Variants in ACACB observed in about 807,000 individuals in gnomAD.
ACACB encodes acetyl-CoA carboxylase beta, also known as acetyl-CoA carboxylase 2.
A neutral mutation model predicts 278.8 loss-of-function variants in ACACB; 209 were observed. The observed-to-expected ratio is 0.75, with a 90% confidence interval of 0.67 to 0.84. The LOEUF (loss-of-function observed/expected upper bound fraction) is 0.84, where lower values mean the gene tolerates loss of function less well. Ranked by LOEUF, ACACB falls within the 40% of genes least tolerant of loss-of-function variation. The pLI is 0.00. For synonymous variants in ACACB, 1,174 were observed against 1,285.6 expected (o/e 0.91, Z 1.86); for missense variants, 2,850 against 3,269.0 (o/e 0.87, Z 3.13).
chr12:109,170,221 C>T (rs892201367), intron 4 of ACACB, among the ~76,000 whole-genome samples: 4 of 151,950 alleles, frequency 2.6e-5, no homozygotes, highest in South Asian at 2.1e-4. Context: ...TGTACCACCA[C>T]GACTGGCTAA....
At chr12:109,165,503 A>T (rs1452251653) in intron 2 of ACACB, among the ~76,000 whole-genome samples, 2 of 152,124 alleles carry the variant, frequency 1.3e-5, no homozygotes, top group African/African-American at 4.8e-5. Flanking sequence ...CAATTATCTT[A>T]TGTGTACTGG....
chr12:109,158,709 C>A (rs1437753484), intron 2 of ACACB, among the ~76,000 whole-genome samples: 3 of 152,188 alleles, frequency 2.0e-5, no homozygotes, highest in African/African-American at 2.4e-5. Flanking sequence ...TGCGGTGGCT[C>A]ACACTTGTGG....
At position 109,232,705 on chromosome 12, in the gene ACACB, G is replaced by C; in HGVS notation, c.4038G>C (p.Leu1346=). Residue 1346 remains leucine (L), a synonymous_variant, in exon 29 of 53, where the codon CTG becomes CTC. Transcript: ENST00000338432. ...CCATCAGCATCACCAACCCTGACCT[G>C]CTGAGGCACAGCACAGAGCTCTTCA... ...TVPISITNPD[L]LRHSTELFMD... 6.2e-7 allele frequency: 1 copy of C among 1,614,182 alleles called. No homozygotes were observed. Among genetic ancestry groups the C allele is most frequent in the Non-Finnish European group, 8.5e-7 (1 of 1,180,030 alleles).
chr12:109,149,940 G>A (rs1332109887), intron 2 of ACACB, among the ~76,000 whole-genome samples: 12 of 152,208 alleles, frequency 7.9e-5, no homozygotes, highest in Non-Finnish European at 1.5e-4. Context: ...CTGGTGTGCT[G>A]GCTTCTCCAC....
chr12:109,199,390 C>A lies in ACACB; in HGVS notation c.2628-12C>A. 2 of 1,466,960 alleles carry A rather than the reference C, an allele frequency of 1.4e-6. No individual in the cohort carries two copies. The highest frequency in any genetic ancestry group is 1.5e-5 in the South Asian group (1 of 66,568). The allele number at this position is 1,466,960 out of a possible 1,614,324, so 90.9% of individuals were successfully genotyped here. On this transcript the variant is annotated splice_polypyrimidine_tract_variant and intron_variant, in intron 17 of 52. Transcript: ENST00000338432. ...TCATCAGTCTCCCTACCCGACTCCT[C>A]CTCTCTCCCAGTTACCGAATTACCA...
intron 2 of ACACB, among the ~76,000 whole-genome samples, chr12:109,150,069 G>A (rs1039825586): frequency 3.3e-5 from 5 of 152,154 alleles, no homozygotes; most frequent in Non-Finnish European, 7.3e-5. Flanking sequence ...TTGAGTTGCT[G>A]TAAGTACAGC....
At chr12:109,242,307 C>T (rs1246133168) in intron 36 of ACACB, 130 bp from the exon 37 acceptor site, 2 of 1,030,780 alleles carry the variant, frequency 1.9e-6, no homozygotes, top group Non-Finnish European at 2.9e-6. Context: ...AGCCCAGGCA[C>T]TCACTTTGTC....
intron 29 of ACACB, among the ~76,000 whole-genome samples, chr12:109,233,280 A>G (rs1593653590): frequency 6.6e-6 from 1 of 152,242 alleles, no homozygotes; most frequent in South Asian, 2.1e-4. Flanking sequence ...GTTAGCTCTC[A>G]ATAGTTACTG....
intron 17 of ACACB, among the ~76,000 whole-genome samples, chr12:109,198,578 C>T (rs1197532310): frequency 1.3e-5 from 2 of 151,944 alleles, no homozygotes; most frequent in South Asian, 2.1e-4. Context: ...TGCCTGTAGT[C>T]CCAGCAATTT....
At chr12:109,209,924 T>C (rs1279069211) in intron 21 of ACACB, among the ~76,000 whole-genome samples, 1 of 112,742 alleles carries the variant, frequency 8.9e-6, no homozygotes, top group African/African-American at 3.7e-5. Flanking sequence ...TGTGTATATA[T>C]GTGTATACAC....
At position 109,209,313 on chromosome 12, in the gene ACACB, G is replaced by A. The variant is rs763097067; in HGVS notation, c.3209G>A (p.Ser1070Asn). The change falls in exon 21 of 53, where the codon AGC (serine) becomes AAC (asparagine). Residue 1070 changes from serine (S) to asparagine (N), a missense_variant. Physicochemically the swap from Ser to Asn is conservative, Grantham distance 46. Coordinates refer to ENST00000338432, the MANE Select transcript of ACACB (RefSeq NM_001093.4). ...SVRRVMAQYA[S>N]NITSVLCQFP... ...CGCAGGGTGATGGCCCAGTATGCCAGCAACATCACCTCGGTGCTGTGCCAG... is the reference window on the plus strand; with the variant it reads ...CGCAGGGTGATGGCCCAGTATGCCAACAACATCACCTCGGTGCTGTGCCAG... The A allele has an allele frequency of 3.1e-6, 5 of 1,612,570 alleles. No individual in the cohort carries two copies. The highest frequency in any genetic ancestry group is 4.5e-5 in the East Asian group (2 of 44,878).
chr12:109,174,307 G>T (rs2044214042), intron 7 of ACACB, 77 bp downstream of exon 7: 1 of 1,119,076 alleles, frequency 8.9e-7, no homozygotes, highest in African/African-American at 1.6e-5. Flanking sequence ...GGTGACAGAA[G>T]TATGCTTGTA....
At chr12:109,204,271 C>CTTTTT (rs58720572) in intron 19 of ACACB, among the ~76,000 whole-genome samples, 5 of 93,144 alleles carry the variant, frequency 5.4e-5, no homozygotes, top group Admixed American at 1.3e-4. Flanking sequence ...AATACTATAT[C>CTTTTT]TTTTTTTTTT....
intron 1 of ACACB, among the ~76,000 whole-genome samples, chr12:109,130,370 C>A (rs1022226120): frequency 6.6e-6 from 1 of 152,206 alleles, no homozygotes; most frequent in African/African-American, 2.4e-5. Context: ...GCAGAACCGA[C>A]ATGTGAACCC....
chr12:109,187,878 T>C, intron 12 of ACACB, 121 bp from the exon 13 acceptor site: 1 of 1,105,002 alleles, frequency 9.0e-7, no homozygotes, highest in Non-Finnish European at 1.3e-6. Flanking sequence ...CAGTGTTCTA[T>C]TGACTACCCT....
intron 10 of ACACB, 29 bp from the exon 11 acceptor site, chr12:109,179,888 C>A: frequency 6.3e-7 from 1 of 1,583,196 alleles, no homozygotes; most frequent in Non-Finnish European, 8.6e-7. Flanking sequence ...CCTCTGGAAC[C>A]CCCTTGGCCT....
intron 20 of ACACB, among the ~76,000 whole-genome samples, chr12:109,208,273 G>C (rs1167052100): frequency 6.6e-6 from 1 of 150,598 alleles, no homozygotes; most frequent in Non-Finnish European, 1.5e-5. Flanking sequence ...CTGGAGTACA[G>C]TGGGGGAAAC....
intron 29 of ACACB, 151 bp from the exon 30 acceptor site, chr12:109,233,597 C>G: frequency 1.5e-6 from 1 of 648,510 alleles, no homozygotes; most frequent in Non-Finnish European, 2.6e-6. Context: ...AGACAGGGAA[C>G]CTCCTGAGCT....
intron 24 of ACACB, among the ~76,000 whole-genome samples, chr12:109,217,493 TC>T (rs375516019): frequency 6.6e-6 from 1 of 151,988 alleles, no homozygotes; most frequent in South Asian, 2.1e-4. Flanking sequence ...ATTGCAAGAC[TC>T]CATTTCTTAG....
Sources: gnomAD v4.1 joint callset for allele counts (sites outside exome capture counted in the v4.1 genomes callset) on GRCh38, gnomAD v4.1.1 for gene constraint, MANE v1.5 for transcripts, NCBI Gene and HGNC (gene_info 2026-07-23, HGNC 2026-07-21) for gene names.